ARHGEF38: variants seen among roughly 807,000 people sequenced by gnomAD.
ARHGEF38 encodes the protein Rho guanine nucleotide exchange factor 38.
Under a neutral mutation model 79.9 loss-of-function variants are expected in ARHGEF38, and 79 were observed. That is an observed-to-expected ratio of 0.99 (90% CI 0.82 to 1.19). The LOEUF is 1.19. Among genes scored for constraint, ARHGEF38 ranks in the 50% most tolerant of loss-of-function variants. The pLI, the probability that ARHGEF38 is intolerant of heterozygous loss-of-function variation, is 0.00. For missense variants in ARHGEF38, 962 were observed against 907.2 expected (o/e 1.06, Z -0.78); for synonymous variants, 366 against 328.3 (o/e 1.11, Z -1.24).
At chr4:105,562,861 G>C (rs1273669977) in intron 1 of ARHGEF38, among the ~76,000 whole-genome samples, 1 of 152,134 alleles carries the variant, frequency 6.6e-6, no homozygotes, top group Non-Finnish European at 1.5e-5. Flanking sequence ...AAAAGGGAAG[G>C]ACATAAGCCT....
At chr4:105,609,294 A>T (rs1728185062) in intron 2 of ARHGEF38, among the ~76,000 whole-genome samples, 1 of 152,068 alleles carries the variant, frequency 6.6e-6, no homozygotes, top group Non-Finnish European at 1.5e-5. Flanking sequence ...GCTGAAAATC[A>T]ATCAACTGTA....
Position 105,573,977 on chromosome 4 carries a change from C to G in ARHGEF38, c.197-15271C>G, listed in dbSNP as rs550343025. Among the ~76,000 whole-genome samples the G allele has an allele frequency of 1.2e-4, 18 of 152,170 alleles. No homozygotes were observed. In the South Asian group the frequency reaches 3.3e-3, roughly 28 times the overall value. On this transcript the variant is annotated intron_variant, in intron 1 of 13. Coordinates refer to ENST00000420470, the MANE Select transcript of ARHGEF38 (RefSeq NM_001242729.2). ...AAGTATTTCATTGTTTTTGATGCTA[C>G]TGTGAATGGAAACACTTTCTTAATA... is the stretch of plus-strand genomic sequence containing the variant.
chr4:105,591,390 G>A (rs1379662599), intron 2 of ARHGEF38, among the ~76,000 whole-genome samples: 4 of 152,152 alleles, frequency 2.6e-5, no homozygotes, highest in East Asian at 3.9e-4. Flanking sequence ...CACCACACCC[G>A]GCTAATTTTT....
intron 2 of ARHGEF38, among the ~76,000 whole-genome samples, chr4:105,595,592 T>C (rs1025803116): frequency 6.6e-6 from 1 of 152,206 alleles, no homozygotes; most frequent in African/African-American, 2.4e-5. Context: ...AATTATACCA[T>C]ACACAGTTGT....
chr4:105,620,000 G>C (rs1282181715), intron 3 of ARHGEF38, among the ~76,000 whole-genome samples: 1 of 152,146 alleles, frequency 6.6e-6, no homozygotes, highest in Non-Finnish European at 1.5e-5. Flanking sequence ...CTGATACCTA[G>C]ATAAACTATG....
chr4:105,561,469 A>AGAATGGAAAAGTTTCTTGGAATGGAATG (rs1491172509), intron 1 of ARHGEF38: 1 of 49,660 alleles, frequency 2.0e-5, no homozygotes, highest in Non-Finnish European at 4.1e-5. Flanking sequence ...AGAATAGAAT[A>AGAATGGAAAAGTTTCTTGGAATGGAATG]GAATAGAATA....
intron 3 of ARHGEF38, among the ~76,000 whole-genome samples, chr4:105,624,631 T>C (rs1728868956): frequency 6.6e-6 from 1 of 152,206 alleles, no homozygotes; most frequent in Admixed American, 6.5e-5. Context: ...TCAGTTTCTT[T>C]CTTCTCACTT....
chr4:105,620,793 A>G (rs768066131), intron 3 of ARHGEF38, among the ~76,000 whole-genome samples: 28 of 151,558 alleles, frequency 1.8e-4, no homozygotes, highest in Admixed American at 3.9e-4. Flanking sequence ...ATGGCCCTCA[A>G]TGGACCATGC....
In ARHGEF38 at chr4:105,666,184, T is replaced by C; in HGVS notation, c.1553T>C (p.Leu518Pro). The stretch of plus-strand genomic sequence containing the variant: ...TATTATTTCTACCTATAGATGCCAC[T>C]GTTGGTTTCAAGCATTTCTGAGATT... ...QAYSTLVPMPLLVSSISEIQN... is the reference protein window; with the variant it reads ...QAYSTLVPMPPLVSSISEIQN... The change falls in exon 11 of 14, where the codon CTG (leucine) becomes CCG (proline). Residue 518 changes from leucine to proline, a missense_variant. Coordinates refer to ENST00000420470, the MANE Select transcript of ARHGEF38 (RefSeq NM_001242729.2). The C allele has an allele frequency of 1.3e-6, 2 of 1,523,226 alleles. No homozygotes were observed. The highest frequency in any genetic ancestry group is 1.7e-6 in the Non-Finnish European group (2 of 1,143,058). The allele number at this position is 1,523,226 out of a possible 1,614,324, so 94.4% of individuals were successfully genotyped here.
chr4:105,588,570 T>C (rs533153960), intron 1 of ARHGEF38, among the ~76,000 whole-genome samples: 5 of 152,358 alleles, frequency 3.3e-5, no homozygotes, highest in African/African-American at 1.2e-4. Flanking sequence ...GCTTCCCATT[T>C]ATCTCATTAT....
At chr4:105,582,770 G>A (rs1726858975) in intron 1 of ARHGEF38, among the ~76,000 whole-genome samples, 1 of 152,102 alleles carries the variant, frequency 6.6e-6, no homozygotes, top group Non-Finnish European at 1.5e-5. Context: ...AGACTGATTT[G>A]TCAAATTCTA....
chr4:105,636,880 A>T (rs924520589), intron 5 of ARHGEF38, among the ~76,000 whole-genome samples: 3 of 152,142 alleles, frequency 2.0e-5, no homozygotes, highest in Non-Finnish European at 4.4e-5. Flanking sequence ...ATGGAGAAAA[A>T]AATCATACAC....
chr4:105,654,310 C>A, intron 8 of ARHGEF38, 141 bp downstream of exon 8: 1 of 512,882 alleles, frequency 1.9e-6, no homozygotes, highest in Non-Finnish European at 3.3e-6. Context: ...AGGCTGCAAA[C>A]TGCTGGTAAA....
intron 1 of ARHGEF38, among the ~76,000 whole-genome samples, chr4:105,573,240 T>C (rs959678526): frequency 2.0e-5 from 3 of 152,202 alleles, no homozygotes; most frequent in African/African-American, 7.2e-5. Flanking sequence ...AAAATTTTCA[T>C]AAGTCCAACT....
At chr4:105,561,246 A>G (rs1375285460) in intron 1 of ARHGEF38, among the ~76,000 whole-genome samples, 1 of 151,700 alleles carries the variant, frequency 6.6e-6, no homozygotes, top group Non-Finnish European at 1.5e-5. Flanking sequence ...AACAAAACAA[A>G]ACAAAAAATT....
rs552974582 is a variant in ARHGEF38, at chr4:105,561,720, T to A, written c.196+8759T>A. 2.0e-5 allele frequency: 3 copies of A among 152,172 alleles called. No homozygotes were observed. In the South Asian group the frequency reaches 6.2e-4, roughly 32 times the overall value. The allele number at this position is 152,172 out of a possible 1,614,324, so 9.4% of individuals were successfully genotyped here. A position where few individuals can be genotyped will look rare whatever the true frequency, so the allele number is the denominator to read the frequency against. On this transcript the variant is annotated intron_variant, in intron 1 of 13. Transcript: ENST00000420470. The stretch of plus-strand genomic sequence containing the variant: ...CTGTGAATTGTATAGACAAAAGACA[T>A]ACTAACAAAAGAAAAAGCATACACA...
At position 105,666,198 on chromosome 4, in the gene ARHGEF38, A is replaced by AT. The variant is rs1449872920; in HGVS notation, c.1570dup (p.Ser524PhefsTer2). Reference sequence around the variant, plus strand: ...ATAGATGCCACTGTTGGTTTCAAGCATTTCTGAGATTCAGAATCAAGTACT... The same window carrying AT: ...ATAGATGCCACTGTTGGTTTCAAGCATTTTCTGAGATTCAGAATCAAGTACT... On this transcript the variant is annotated frameshift_variant, in exon 11 of 14. Transcript: ENST00000420470. LOFTEE classifies it high-confidence loss of function. 1 of 1,526,880 alleles carries AT rather than the reference A, an allele frequency of 6.5e-7. No homozygotes were observed. Among genetic ancestry groups the AT allele is most frequent in the African/African-American group, 1.4e-5 (1 of 72,534 alleles). 94.6% of individuals were successfully genotyped at this position (1,526,880 alleles called of 1,614,324 possible). A position where few individuals can be genotyped will look rare whatever the true frequency, so the allele number is the denominator to read the frequency against.
intron 1 of ARHGEF38, among the ~76,000 whole-genome samples, chr4:105,559,561 A>G (rs1271071895): frequency 6.6e-6 from 1 of 152,178 alleles, no homozygotes; most frequent in Non-Finnish European, 1.5e-5. Flanking sequence ...TAAAACTCTG[A>G]GGGATATGAG....
At chr4:105,677,726 A>C in intron 13 of ARHGEF38, 26 bp from the exon 14 acceptor site, 1 of 1,393,326 alleles carries the variant, frequency 7.2e-7, no homozygotes. Context: ...TCCAATTCCA[A>C]TAATGTCTTT....
Sources: gnomAD v4.1 joint callset for allele counts (sites outside exome capture counted in the v4.1 genomes callset) on GRCh38, gnomAD v4.1.1 for gene constraint, MANE v1.5 for transcripts, NCBI Gene and HGNC (gene_info 2026-07-23, HGNC 2026-07-21) for gene names.